Variants in LYRM4 observed in about 807,000 individuals in gnomAD.
LYRM4 encodes the protein LYR motif containing 4.
LYRM4 carries 9 observed loss-of-function variants against 11.7 expected under a neutral mutation model. That is an observed-to-expected ratio of 0.77 (90% CI 0.46 to 1.34). The LOEUF (loss-of-function observed/expected upper bound fraction) is 1.34. Ranked by LOEUF, LYRM4 falls within the 40% of genes most tolerant of loss-of-function variation. The pLI is 0.00. For missense variants in LYRM4, 133 were observed against 112.5 expected, an observed-to-expected ratio of 1.18 and a Z score of -0.82; for synonymous variants, 42 against 40.4, an observed-to-expected ratio of 1.04 and a Z score of -0.15.
At chr6:5,059,169 A>T in the LYRM4 span, among the ~76,000 whole-genome samples, 1 of 151,864 alleles carries the variant, frequency 6.6e-6, no homozygotes, top group Non-Finnish European at 1.5e-5. Flanking sequence ...TGAGAGACCC[A>T]GTCTGTACAG....
intron 2 of LYRM4, among the ~76,000 whole-genome samples, chr6:5,109,895 C>T (rs438934): frequency 0.72 from 109,945 of 152,102 alleles, 40,105 homozygotes; most frequent in East Asian, 0.93. Flanking sequence ...CAGAAATGGG[C>T]GCCGTCTATG....
At chr6:5,117,294 C>T (rs1561806899) in intron 2 of LYRM4, among the ~76,000 whole-genome samples, 1 of 152,186 alleles carries the variant, frequency 6.6e-6, no homozygotes, top group Non-Finnish European at 1.5e-5. Flanking sequence ...CGGTGGCTCA[C>T]GCCTGTAATC....
intron 2 of LYRM4, among the ~76,000 whole-genome samples, chr6:5,116,636 T>C (rs1180073895): frequency 6.6e-6 from 1 of 152,198 alleles, no homozygotes; most frequent in Non-Finnish European, 1.5e-5. Context: ...CAAATTGACT[T>C]ATACAGCCAC....
intron 2 of LYRM4, among the ~76,000 whole-genome samples, chr6:5,177,149 G>T (rs1446109299): frequency 2.0e-5 from 3 of 152,216 alleles, no homozygotes; most frequent in Non-Finnish European, 4.4e-5. Flanking sequence ...AAGGCCTCCT[G>T]TGTCTTCCCC....
intron 2 of LYRM4, among the ~76,000 whole-genome samples, chr6:5,207,527 T>A (rs539437792): frequency 6.6e-6 from 1 of 152,320 alleles, no homozygotes; most frequent in Admixed American, 6.5e-5. Flanking sequence ...GAAGGTCTTC[T>A]GCATAAGCAG....
the LYRM4 span, among the ~76,000 whole-genome samples, chr6:5,047,513 C>T: frequency 6.6e-6 from 1 of 152,176 alleles, no homozygotes; most frequent in Non-Finnish European, 1.5e-5. Context: ...ATAGGATCCA[C>T]TTGACTTCAG....
At chr6:5,189,559 G>A (rs528669421) in intron 2 of LYRM4, among the ~76,000 whole-genome samples, 4 of 152,238 alleles carry the variant, frequency 2.6e-5, no homozygotes, top group Middle Eastern at 3.4e-3. Context: ...CATGCATTTC[G>A]GGTGACTGAA....
chr6:5,182,830 T>C (rs1211951906), intron 2 of LYRM4, among the ~76,000 whole-genome samples: 2 of 152,116 alleles, frequency 1.3e-5, no homozygotes, highest in African/African-American at 2.4e-5. Context: ...ACCTTCTATA[T>C]TTTTTTAGCT....
chr6:5,177,564 A>T (rs1449703828), intron 2 of LYRM4, among the ~76,000 whole-genome samples: 1 of 152,202 alleles, frequency 6.6e-6, no homozygotes, highest in Admixed American at 6.5e-5. Context: ...TTGTTAGGAC[A>T]TGCTGTTTCT....
At chr6:5,036,438 G>A in the LYRM4 span, among the ~76,000 whole-genome samples, 1 of 152,158 alleles carries the variant, frequency 6.6e-6, no homozygotes, top group South Asian at 2.1e-4. Context: ...CAGCAGCTCT[G>A]AGATGCAACA....
chr6:5,084,338 G>C, the LYRM4 span, among the ~76,000 whole-genome samples: 389 of 152,332 alleles, frequency 2.6e-3, 8 homozygotes, highest in Admixed American at 0.021. Context: ...CCCCTGGCAA[G>C]GCCGGAGCAG....
chr6:5,063,399 C>T, the LYRM4 span, among the ~76,000 whole-genome samples: 2 of 151,516 alleles, frequency 1.3e-5, no homozygotes, highest in African/African-American at 4.8e-5. Context: ...CATTTCCAGC[C>T]CCACAAGCCT....
chr6:5,049,829 C>T, the LYRM4 span, among the ~76,000 whole-genome samples: 12 of 152,300 alleles, frequency 7.9e-5, no homozygotes, highest in Non-Finnish European at 1.5e-4. Context: ...ACCACCATCC[C>T]TGGCTAATTT....
At chr6:5,070,886 A>G in the LYRM4 span, among the ~76,000 whole-genome samples, 5 of 148,630 alleles carry the variant, frequency 3.4e-5, no homozygotes, top group Non-Finnish European at 6.0e-5. Context: ...AAAAAAAAAA[A>G]AAAAGGTTTA....
At chr6:5,148,072 C>T (rs1757833369) in intron 2 of LYRM4, among the ~76,000 whole-genome samples, 2 of 152,168 alleles carry the variant, frequency 1.3e-5, no homozygotes, top group African/African-American at 4.8e-5. Flanking sequence ...TCACCTTACT[C>T]ATCACCAGGT....
At chr6:5,210,366 C>A (rs1024481610) in intron 2 of LYRM4, among the ~76,000 whole-genome samples, 12 of 151,864 alleles carry the variant, frequency 7.9e-5, no homozygotes, top group African/African-American at 2.4e-4. Context: ...AGAGGGCTCG[C>A]GGGTGTAAAT....
chr6:5,221,952 G>A (rs1762607356), intron 1 of LYRM4, among the ~76,000 whole-genome samples: 1 of 152,214 alleles, frequency 6.6e-6, no homozygotes, highest in African/African-American at 2.4e-5. Context: ...CTCTCTCGAA[G>A]TTATTTAACA....
intron 2 of LYRM4, among the ~76,000 whole-genome samples, chr6:5,166,475 G>A (rs1759093910): frequency 6.6e-6 from 1 of 152,174 alleles, no homozygotes; most frequent in Non-Finnish European, 1.5e-5. Flanking sequence ...TGTTGATTTT[G>A]GGGGCAGGGT....
chr6:5,050,610 A>T, the LYRM4 span, among the ~76,000 whole-genome samples: 1 of 152,278 alleles, frequency 6.6e-6, no homozygotes, highest in Admixed American at 6.5e-5. Flanking sequence ...AACAACATAT[A>T]CAGAGGCATT....
Sources: allele counts gnomAD v4.1 joint callset (sites outside exome capture counted in the v4.1 genomes callset), GRCh38; gene constraint gnomAD v4.1.1; transcripts MANE v1.5; gene names NCBI Gene and HGNC (gene_info 2026-07-23, HGNC 2026-07-21).